Variants in HSD17B4 observed in about 807,000 individuals in gnomAD.
The protein encoded by HSD17B4 is peroxisomal multifunctional enzyme type 2.
In HSD17B4, 70 loss-of-function variants were observed where a neutral mutation model predicts 101.0. That is an observed-to-expected ratio of 0.69 (90% CI 0.57 to 0.85). The LOEUF is 0.85. Ranked by LOEUF, HSD17B4 falls within the 40% of genes least tolerant of loss-of-function variation. HSD17B4 has a pLI of 0.00. For synonymous variants in HSD17B4, 347 were observed against 297.1 expected (o/e 1.17, Z -1.73); for missense variants, 984 against 892.4 (o/e 1.10, Z -1.31).
rs149039428 is a variant in HSD17B4, at chr5:119,460,285, C to T, written c.112+3917C>T. Reference sequence around the variant, plus strand: ...CTGCTTTAGGCACTGATACACTCTCCGCAACGGTAAGTATAGTACTTAGTA... The same window carrying T: ...CTGCTTTAGGCACTGATACACTCTCTGCAACGGTAAGTATAGTACTTAGTA... On this transcript the variant is annotated intron_variant, in intron 2 of 23. Coordinates refer to ENST00000510025, the MANE Select transcript of HSD17B4 (RefSeq NM_000414.4). Among the ~76,000 whole-genome samples the T allele has an allele frequency of 1.8e-3, 270 of 152,226 alleles. 5 individuals are homozygous for T. The South Asian group carries it at 0.048, about 27-fold the overall frequency.
intron 2 of HSD17B4, among the ~76,000 whole-genome samples, chr5:119,461,329 A>G (rs983865980): frequency 6.6e-6 from 1 of 152,250 alleles, no homozygotes; most frequent in Non-Finnish European, 1.5e-5. Flanking sequence ...AATATAAGCC[A>G]TGAAAATAAA....
At chr5:119,484,840 CCT>C (rs147778008) in intron 8 of HSD17B4, among the ~76,000 whole-genome samples, 3,989 of 152,114 alleles carry the variant, frequency 0.026, 140 homozygotes, top group African/African-American at 0.078. Flanking sequence ...AATTTTTTCC[CCT>C]GTTTCCTTGA....
chr5:119,517,318 C>T lies in HSD17B4; in HGVS notation c.1503+2272C>T, dbSNP rs114831883. On this transcript the variant is annotated intron_variant, in intron 17 of 23. Transcript: ENST00000510025. ...CCCACCGGTGCTGTGCTCGATTTCTCGCTGGACCTTAGCTGCCTTCCCGCA... is the reference window on the plus strand; with the variant it reads ...CCCACCGGTGCTGTGCTCGATTTCTTGCTGGACCTTAGCTGCCTTCCCGCA... Among the ~76,000 whole-genome samples the T allele has an allele frequency of 6.8e-3, 1,029 of 152,314 alleles. 15 individuals are homozygous for T. The highest frequency in any genetic ancestry group is 0.023 in the African/African-American group (970 of 41,572).
At chr5:119,538,507 G>C (rs549704662) in intron 23 of HSD17B4, among the ~76,000 whole-genome samples, 1 of 152,018 alleles carries the variant, frequency 6.6e-6, no homozygotes, top group Non-Finnish European at 1.5e-5. Context: ...TTAATTACTG[G>C]TTCATATTTA....
intron 17 of HSD17B4, among the ~76,000 whole-genome samples, chr5:119,519,574 G>A (rs1752935121): frequency 6.6e-6 from 1 of 152,210 alleles, no homozygotes; most frequent in Non-Finnish European, 1.5e-5. Context: ...CTGCCAGAAA[G>A]TGCTTACTAT....
At chr5:119,477,565 G>A (rs1748706891) in intron 7 of HSD17B4, 64 bp downstream of exon 7, 6 of 1,038,172 alleles carry the variant, frequency 5.8e-6, no homozygotes, top group South Asian at 1.3e-5. Context: ...CTTGTGTACA[G>A]GGAAAGATTA....
At chr5:119,474,613 A>G (rs567080678) in intron 4 of HSD17B4, among the ~76,000 whole-genome samples, 153 bp downstream of exon 4, 1 of 152,192 alleles carries the variant, frequency 6.6e-6, no homozygotes, top group Non-Finnish European at 1.5e-5. Context: ...TACTTATTTC[A>G]TAAAGGGTTT....
Position 119,456,247 on chromosome 5 carries a change from G to T in HSD17B4, c.59-68G>T, listed in dbSNP as rs1051046930. 6 of 935,280 alleles carry T rather than the reference G, an allele frequency of 6.4e-6. No homozygotes were observed. In the African/African-American group the frequency reaches 9.7e-5, roughly 15 times the overall value. The allele number at this position is 935,280 out of a possible 1,614,324, so 57.9% of individuals were successfully genotyped here. ...TCACCAATTTCTTTAAATGGGGATT[G>T]AGTTGAGCGGACCAAAAAAATTATG... is the stretch of plus-strand genomic sequence containing the variant. On this transcript the variant is annotated intron_variant, in intron 1 of 23. Coordinates refer to ENST00000510025, the MANE Select transcript of HSD17B4 (RefSeq NM_000414.4).
At chr5:119,474,906 CA>C (rs1748427165) in intron 4 of HSD17B4, among the ~76,000 whole-genome samples, 1 of 151,988 alleles carries the variant, frequency 6.6e-6, no homozygotes, top group African/African-American at 2.4e-5. Context: ...AGAAGTATTT[CA>C]AATAAATTGT....
intron 7 of HSD17B4, chr5:119,477,913 G>C (rs1381599394): frequency 5.5e-6 from 1 of 181,392 alleles, no homozygotes; most frequent in Non-Finnish European, 1.2e-5. Context: ...CACCATGCCT[G>C]GCAAGTTTTT....
rs148280867 is a variant in HSD17B4, at chr5:119,484,163, G to C, written c.623-5029G>C. On this transcript the variant is annotated intron_variant, in intron 8 of 23. Coordinates refer to ENST00000510025, the MANE Select transcript of HSD17B4 (RefSeq NM_000414.4). ...TTCGAGGCTACAGTGAGCTACGGTT[G>C]CACCTCTGCACTCCAGCCTGGGTAA... 4.0e-4 allele frequency among the ~76,000 whole-genome samples: 61 copies of C among 152,212 alleles called. 1 individual carries two copies. In the East Asian group the frequency reaches 0.012, roughly 29 times the overall value.
intron 10 of HSD17B4, chr5:119,492,868 A>G (rs1304576820): frequency 6.6e-6 from 1 of 152,130 alleles, no homozygotes; most frequent in East Asian, 1.9e-4. Flanking sequence ...CTCAGCTTAT[A>G]TTTAGTTGGC....
chr5:119,486,627 A>AGG (rs1749633931), intron 8 of HSD17B4, among the ~76,000 whole-genome samples: 2 of 152,152 alleles, frequency 1.3e-5, no homozygotes, highest in Non-Finnish European at 2.9e-5. Flanking sequence ...ATAAAGCTGT[A>AGG]GCTCATTCGA....
chr5:119,538,803 C>T (rs1754744678), intron 23 of HSD17B4, among the ~76,000 whole-genome samples: 1 of 152,142 alleles, frequency 6.6e-6, no homozygotes, highest in Admixed American at 6.6e-5. Flanking sequence ...TCATTTCATC[C>T]AAAGTAGTTT....
intron 13 of HSD17B4, 32 bp downstream of exon 13, chr5:119,499,585 T>C (rs935426739): frequency 7.9e-7 from 1 of 1,272,596 alleles, no homozygotes. Flanking sequence ...TATTTTGCTT[T>C]TCTATTTCTG....
In HSD17B4 at chr5:119,542,089, T is replaced by A; in HGVS notation, c.*95T>A. On this transcript the variant is annotated 3_prime_UTR_variant, in exon 24 of 24. Transcript: ENST00000510025. ...TCTGCAAAAGTGATTAGAACTAAGATGCAGGGGAAATTGCTTAACATTTTC... is the reference window on the plus strand; with the variant it reads ...TCTGCAAAAGTGATTAGAACTAAGAAGCAGGGGAAATTGCTTAACATTTTC... 2.4e-6 allele frequency: 2 copies of A among 829,696 alleles called. No individual in the cohort carries two copies. The highest frequency in any genetic ancestry group is 4.1e-6 in the Non-Finnish European group (2 of 486,134). 51.4% of individuals were successfully genotyped at this position (829,696 alleles called of 1,614,324 possible).
At chr5:119,520,198 G>T (rs971689326) in intron 17 of HSD17B4, among the ~76,000 whole-genome samples, 1 of 151,652 alleles carries the variant, frequency 6.6e-6, no homozygotes, top group South Asian at 2.1e-4. Context: ...CAAGACTCTG[G>T]GTTGACTGGG....
At chr5:119,500,120 A>G (rs755030091) in intron 13 of HSD17B4, among the ~76,000 whole-genome samples, 3 of 152,120 alleles carry the variant, frequency 2.0e-5, no homozygotes, top group South Asian at 2.1e-4. Context: ...TGATCTGGCT[A>G]TGTTCACAGA....
chr5:119,461,442 G>T (rs1755226690), intron 2 of HSD17B4, among the ~76,000 whole-genome samples: 1 of 152,180 alleles, frequency 6.6e-6, no homozygotes, highest in Non-Finnish European at 1.5e-5. Context: ...AACCAATGTT[G>T]TGAGAATGTG....
Sources: allele counts gnomAD v4.1 joint callset (sites outside exome capture counted in the v4.1 genomes callset), GRCh38; gene constraint gnomAD v4.1.1; transcripts MANE v1.5; gene names NCBI Gene and HGNC (gene_info 2026-07-23, HGNC 2026-07-21).